MYOCD: variants seen among roughly 807,000 people sequenced by gnomAD.
MYOCD encodes the protein myocardin.
In MYOCD, 32 loss-of-function variants were observed where a neutral mutation model predicts 96.1. The ratio of observed to expected loss-of-function variants is 0.33; its 90% CI spans 0.25 to 0.45. MYOCD has a LOEUF of 0.45. MYOCD is among the 20% of genes least tolerant of loss of function. MYOCD has a pLI of 1.00. For synonymous variants in MYOCD, 469 were observed against 469.0 expected (o/e 1.00, Z 0.00); for missense variants, 1,133 against 1,200.6 (o/e 0.94, Z 0.83).
chr17:12,696,331 G>C (rs897147602), intron 1 of MYOCD, among the ~76,000 whole-genome samples: 1 of 152,048 alleles, frequency 6.6e-6, no homozygotes, highest in African/African-American at 2.4e-5. Context: ...GATGGACACT[G>C]GTGTCACTTC....
In MYOCD at chr17:12,669,618, T is replaced by G. The variant is rs527615787; in HGVS notation, c.55+3375T>G. Among the ~76,000 whole-genome samples, 463 of 152,218 alleles carry G rather than the reference T, an allele frequency of 3.0e-3. 2 individuals are homozygous for G. Among genetic ancestry groups the G allele is most frequent in the Middle Eastern group, 6.8e-3 (2 of 294 alleles). ...AACCCTACCTACAATCTGAGTGTTT[T>G]TTGTTGTTTTTTTTTTCTGAGACGG... On this transcript the variant is annotated intron_variant, in intron 1 of 13. Coordinates refer to ENST00000425538, the MANE Select transcript of MYOCD (RefSeq NM_001146312.3).
intron 1 of MYOCD, among the ~76,000 whole-genome samples, chr17:12,704,069 G>A (rs538351909): frequency 5.9e-5 from 9 of 152,108 alleles, no homozygotes; most frequent in Admixed American, 3.3e-4. Flanking sequence ...ATTTAGAATT[G>A]GTCACATTTT....
At chr17:12,750,293 G>T (rs1277031255) in intron 9 of MYOCD, among the ~76,000 whole-genome samples, 2 of 152,140 alleles carry the variant, frequency 1.3e-5, no homozygotes, top group Non-Finnish European at 2.9e-5. Flanking sequence ...CTGGGGAGGG[G>T]CCCAAGATTC....
In MYOCD at chr17:12,665,988, T is replaced by G; in HGVS notation, c.-201T>G. The stretch of plus-strand genomic sequence containing the variant: ...GAGGAGGGTCCCGCCGGCTAAGAGT[T>G]AATTAGCCCCGCACGGCGAGGGGGG... On this transcript the variant is annotated 5_prime_UTR_variant, in exon 1 of 14. Coordinates refer to ENST00000425538, the MANE Select transcript of MYOCD (RefSeq NM_001146312.3). This position sits in a 1 kb window ranked among gnomAD's most constrained non-coding sequence, Gnocchi z 4.2. 1.9e-6 allele frequency: 1 copy of G among 538,596 alleles called. No homozygotes were observed. 33.4% of individuals were successfully genotyped at this position (538,596 alleles called of 1,614,324 possible). A position where few individuals can be genotyped will look rare whatever the true frequency, so the allele number is the denominator to read the frequency against.
intron 4 of MYOCD, among the ~76,000 whole-genome samples, chr17:12,721,190 G>A (rs2031826641): frequency 1.3e-5 from 2 of 151,272 alleles, no homozygotes; most frequent in Admixed American, 6.6e-5. Context: ...CCATCATTAC[G>A]GTCTTGAATT....
chr17:12,680,726 ATTG>A (rs764010457), intron 1 of MYOCD, among the ~76,000 whole-genome samples: 19 of 152,144 alleles, frequency 1.2e-4, no homozygotes, highest in Non-Finnish European at 1.0e-4. Flanking sequence ...TTCTGAAATT[ATTG>A]TTTGAAATTG....
chr17:12,669,389 C>G (rs1478851343), intron 1 of MYOCD, among the ~76,000 whole-genome samples: 1 of 152,200 alleles, frequency 6.6e-6, no homozygotes, highest in Non-Finnish European at 1.5e-5. Context: ...ACCGCGCAAA[C>G]AGAGGCAAAG....
intron 6 of MYOCD, among the ~76,000 whole-genome samples, chr17:12,738,605 C>T (rs185835087): frequency 5.3e-5 from 8 of 152,134 alleles, no homozygotes; most frequent in East Asian, 3.9e-4. Flanking sequence ...CACGCATGCA[C>T]GTACACACAT....
intron 9 of MYOCD, among the ~76,000 whole-genome samples, chr17:12,746,476 C>CA (rs1384833591): frequency 6.6e-6 from 1 of 151,912 alleles, no homozygotes; most frequent in Non-Finnish European, 1.5e-5. Context: ...TTTACCATAG[C>CA]AAAAAATAAT....
At chr17:12,757,647 A>G (rs1206543735) in intron 11 of MYOCD, among the ~76,000 whole-genome samples, 1 of 151,992 alleles carries the variant, frequency 6.6e-6, no homozygotes, top group Non-Finnish European at 1.5e-5. Context: ...CAGGCGCACC[A>G]CCATGCCTGG....
At chr17:12,713,093 A>G (rs1236714239) in intron 2 of MYOCD, among the ~76,000 whole-genome samples, 2 of 152,174 alleles carry the variant, frequency 1.3e-5, no homozygotes, top group African/African-American at 4.8e-5. Flanking sequence ...TTAACCTCTG[A>G]GGAGAAGAGC....
chr17:12,668,554 T>A (rs1470323417), intron 1 of MYOCD, among the ~76,000 whole-genome samples: 1 of 152,118 alleles, frequency 6.6e-6, no homozygotes, highest in Admixed American at 6.5e-5. Flanking sequence ...AGGACAAAAT[T>A]GTGCTACAGC....
intron 5 of MYOCD, among the ~76,000 whole-genome samples, chr17:12,732,349 C>A (rs2032199813): frequency 6.6e-6 from 1 of 152,162 alleles, no homozygotes; most frequent in Non-Finnish European, 1.5e-5. Flanking sequence ...ACGCCCCATC[C>A]TTTCATTGTC....
rs1019006948 is a variant in MYOCD, at chr17:12,765,798, T to C, written c.*2154T>C. The C allele has an allele frequency of 6.6e-6, 1 of 152,194 alleles. No homozygotes were observed. The highest frequency in any genetic ancestry group is 6.5e-5 in the Admixed American group (1 of 15,278). The allele number at this position is 152,194 out of a possible 1,614,324, so 9.4% of individuals were successfully genotyped here. A position where few individuals can be genotyped will look rare whatever the true frequency, so the allele number is the denominator to read the frequency against. On this transcript the variant is annotated 3_prime_UTR_variant, in exon 14 of 14. Transcript: ENST00000425538. ...TGAACAAGCTCATCTTGGCAATGAA[T>C]ATGGATGTGAAAAGACAGAACAGCT...
Position 12,758,163 on chromosome 17 carries a change from G to T in MYOCD, c.2281G>T (p.Ala761Ser). Residue 761 changes from alanine (A) to serine (S), a missense_variant, in exon 12 of 14, where the codon GCA becomes TCA. Ala to Ser is a moderately conservative substitution (Grantham distance 99). Transcript: ENST00000425538. ...PSPTFSKSSSAISEVTQPPSY... is the reference protein window; with the variant it reads ...PSPTFSKSSSSISEVTQPPSY... ...CCCAACTTTTTCTAAGTCAAGTTCA[G>T]CAATTTCAGAGGTAACACAGCCTCC... The T allele has an allele frequency of 6.2e-7, 1 of 1,614,150 alleles. No homozygotes were observed. Among genetic ancestry groups the T allele is most frequent in the Non-Finnish European group, 8.5e-7 (1 of 1,180,028 alleles).
Position 12,706,409 on chromosome 17 carries a change from G to A in MYOCD, c.121+1216G>A, listed in dbSNP as rs377036734. Among the ~76,000 whole-genome samples, 343 of 152,308 alleles carry A rather than the reference G, an allele frequency of 2.3e-3. 1 individual carries two copies. The highest frequency in any genetic ancestry group is 4.1e-3 in the Non-Finnish European group (281 of 68,032). ...AGACAGGAAGAAACCAAAGGTCTGC[G>A]GATGTCAGATCAGGTCAAGACAATT... On this transcript the variant is annotated intron_variant, in intron 2 of 13. Transcript: ENST00000425538.
In MYOCD at chr17:12,717,472, A is replaced by G. The variant is rs375113399; in HGVS notation, c.253+51A>G. ...AAGAGATGCTGCAGAATGGTGGGCCATTTTCCCAGAGTTACTTGTCTCTGT... is the reference window on the plus strand; with the variant it reads ...AAGAGATGCTGCAGAATGGTGGGCCGTTTTCCCAGAGTTACTTGTCTCTGT... On this transcript the variant is annotated intron_variant, in intron 4 of 13. Coordinates refer to ENST00000425538, the MANE Select transcript of MYOCD (RefSeq NM_001146312.3). 8 of 1,439,416 alleles carry G rather than the reference A, an allele frequency of 5.6e-6. No homozygotes were observed. In the African/African-American group the frequency reaches 5.6e-5, roughly 10 times the overall value. The allele number at this position is 1,439,416 out of a possible 1,614,324, so 89.2% of individuals were successfully genotyped here.
rs75046330 is a variant in MYOCD at position 12,706,069 on chromosome 17, T to C, written c.121+876T>C. The C allele has an allele frequency of 2.0e-4, 30 of 152,348 alleles. No homozygotes were observed. The East Asian group carries it at 4.4e-3, about 23-fold the overall frequency. The allele number at this position is 152,348 out of a possible 1,614,324, so 9.4% of individuals were successfully genotyped here. A position where few individuals can be genotyped will look rare whatever the true frequency, so the allele number is the denominator to read the frequency against. ...AAAAAATGTTGTGTAGTTAGTTATA[T>C]TGAAGCGCTATGACCCATGGCTAAA... On this transcript the variant is annotated intron_variant, in intron 2 of 13. Coordinates refer to ENST00000425538, the MANE Select transcript of MYOCD (RefSeq NM_001146312.3).
At chr17:12,680,397 G>C (rs1210252880) in intron 1 of MYOCD, among the ~76,000 whole-genome samples, 2 of 152,122 alleles carry the variant, frequency 1.3e-5, no homozygotes, top group Non-Finnish European at 2.9e-5. Context: ...GGAATGACCT[G>C]CCCGAATTTA....
Sources: allele counts gnomAD v4.1 joint callset (sites outside exome capture counted in the v4.1 genomes callset), GRCh38; gene constraint gnomAD v4.1.1; non-coding constraint Gnocchi (gnomAD v3.1); transcripts MANE v1.5; gene names NCBI Gene and HGNC (gene_info 2026-07-23, HGNC 2026-07-21).